The following DMD variants were observed in gnomAD, a reference collection of about 807,000 sequenced individuals.
DMD encodes the protein dystrophin.
DMD carries 63 observed loss-of-function variants against 330.1 expected under a neutral mutation model. The observed-to-expected ratio is 0.19, with a 90% CI of 0.16 to 0.24. The LOEUF is 0.24. DMD is among the 10% of genes least tolerant of loss of function. DMD has a pLI of 1.00. For synonymous variants in DMD, 1,223 were observed against 959.8 expected (o/e 1.27, Z -5.07); for missense variants, 3,344 against 2,684.1 (o/e 1.25, Z -5.43).
chrX:32,842,299 C>T (rs1462298709), intron 4 of DMD, among the ~76,000 whole-genome samples: 1 of 112,297 alleles, frequency 8.9e-6, no homozygotes, highest in Non-Finnish European at 1.9e-5. Flanking sequence ...CTTCTCAGGC[C>T]CTCGCCAGAG....
intron 7 of DMD, among the ~76,000 whole-genome samples, chrX:32,728,582 A>C (rs2067161295): frequency 8.9e-6 from 1 of 112,233 alleles, no homozygotes; most frequent in African/African-American, 3.2e-5. Flanking sequence ...AAAGTGAGTT[A>C]AATTGTGTTA....
intron 1 of DMD, among the ~76,000 whole-genome samples, chrX:33,293,580 C>T (rs963762203): frequency 9.0e-6 from 1 of 110,879 alleles, no homozygotes; most frequent in Admixed American, 9.7e-5. Context: ...CTATCAGAAC[C>T]AGGTCACATG....
At chrX:32,820,384 G>C (rs1029257065) in intron 5 of DMD, among the ~76,000 whole-genome samples, 6 of 111,594 alleles carry the variant, frequency 5.4e-5, no homozygotes, top group Non-Finnish European at 1.1e-4. Context: ...GGAGCTTGCA[G>C]TGAGCAGAGA....
At chrX:32,029,752 A>G (rs1204886612) in intron 44 of DMD, among the ~76,000 whole-genome samples, 1 of 112,047 alleles carries the variant, frequency 8.9e-6, no homozygotes, top group African/African-American at 3.2e-5. Flanking sequence ...GTGCTGCTAA[A>G]CAAACTTCTG....
chrX:31,134,220 G>T (rs1241170851), intron 76 of DMD, 26 bp from the exon 77 acceptor site: 1 of 1,132,515 alleles, frequency 8.8e-7, no homozygotes, highest in Non-Finnish European at 1.2e-6. Context: ...AACAAATAAT[G>T]GAAAATTACA....
At chrX:31,460,924 C>A (rs1438446514) in intron 59 of DMD, among the ~76,000 whole-genome samples, 1 of 111,522 alleles carries the variant, frequency 9.0e-6, no homozygotes, top group Non-Finnish European at 1.9e-5. Flanking sequence ...ACTGGGAAGG[C>A]AAGTTATGCT....
intron 16 of DMD, among the ~76,000 whole-genome samples, chrX:32,562,923 C>G (rs1306458087): frequency 8.9e-6 from 1 of 111,875 alleles, no homozygotes; most frequent in African/African-American, 3.2e-5. Context: ...TGAGAGAAAA[C>G]TGAAACATAA....
chrX:32,299,690 G>A (rs924273589), intron 42 of DMD, among the ~76,000 whole-genome samples: 6 of 110,932 alleles, frequency 5.4e-5, no homozygotes, highest in African/African-American at 2.0e-4. Context: ...TCACTTAACT[G>A]CTCAGGACCT....
intron 4 of DMD, among the ~76,000 whole-genome samples, chrX:32,825,830 G>GA (rs771700199): frequency 1.5e-4 from 17 of 111,300 alleles, no homozygotes; most frequent in Non-Finnish European, 3.0e-4. Flanking sequence ...AATTCATAGA[G>GA]AAAAAATGGA....
chrX:33,005,351 G>A (rs2093373504), intron 2 of DMD, among the ~76,000 whole-genome samples: 1 of 108,225 alleles, frequency 9.2e-6, no homozygotes, highest in Non-Finnish European at 1.9e-5. Context: ...TATATTAAAT[G>A]TACTTTAATC....
At chrX:31,854,535 AT>A (rs755501773) in intron 48 of DMD, among the ~76,000 whole-genome samples, 1 of 111,234 alleles carries the variant, frequency 9.0e-6, no homozygotes, top group Non-Finnish European at 1.9e-5. Flanking sequence ...TACTATTACC[AT>A]TTTTTCAGAT....
intron 49 of DMD, among the ~76,000 whole-genome samples, chrX:31,821,872 G>C (rs2092769344): frequency 1.8e-5 from 2 of 112,177 alleles, no homozygotes; most frequent in African/African-American, 6.5e-5. Flanking sequence ...ATCAGAGTTG[G>C]AAAAGAGCCA....
intron 62 of DMD, among the ~76,000 whole-genome samples, chrX:31,284,291 G>A (rs1275662546): frequency 9.0e-6 from 1 of 111,248 alleles, no homozygotes; most frequent in Non-Finnish European, 1.9e-5. Flanking sequence ...TGATTGACAG[G>A]CCCCAGCAAG....
intron 61 of DMD, among the ~76,000 whole-genome samples, chrX:31,343,902 A>T (rs749543923): frequency 1.8e-5 from 2 of 110,247 alleles, no homozygotes; most frequent in South Asian, 3.9e-4. Flanking sequence ...ACATATTTTT[A>T]TTCATTGGTG....
intron 41 of DMD, among the ~76,000 whole-genome samples, chrX:32,339,101 C>T (rs1300913061): frequency 9.0e-6 from 1 of 111,701 alleles, no homozygotes; most frequent in East Asian, 2.8e-4. Context: ...CATAACGCAG[C>T]AGGTGTTTGA....
At chrX:31,717,608 C>T (rs6628630) in intron 52 of DMD, among the ~76,000 whole-genome samples, 15,550 of 111,420 alleles carry the variant, frequency 0.14, 924 homozygotes, top group Admixed American at 0.31. Context: ...AGTGCCATTG[C>T]TTTAAAATGC....
chrX:31,477,993 C>T (rs769914449), intron 59 of DMD, 113 bp downstream of exon 59: 70 of 842,535 alleles, frequency 8.3e-5, no homozygotes, highest in African/African-American at 4.7e-4. Flanking sequence ...TTGTGAAAGA[C>T]GGACTGATTT....
At chrX:31,833,383 C>A (rs200223689) in intron 49 of DMD, among the ~76,000 whole-genome samples, 2 of 46,607 alleles carry the variant, frequency 4.3e-5, no homozygotes, top group Admixed American at 2.4e-4. Context: ...GAGAGAGAGA[C>A]AGAGAGAGAG....
At chrX:32,714,484 G>A (rs746008986) in intron 7 of DMD, among the ~76,000 whole-genome samples, 2 of 111,603 alleles carry the variant, frequency 1.8e-5, no homozygotes, top group Non-Finnish European at 3.8e-5. Context: ...CCATGTTGCT[G>A]CAAAAGACAT....
Sources: gnomAD v4.1 joint callset for allele counts (sites outside exome capture counted in the v4.1 genomes callset) on GRCh38, gnomAD v4.1.1 for gene constraint, MANE v1.5 for transcripts, NCBI Gene and HGNC (gene_info 2026-07-23, HGNC 2026-07-21) for gene names.